XPO5: variants seen among roughly 807,000 people sequenced by gnomAD.
XPO5 encodes exportin-5.
A neutral mutation model predicts 160.6 loss-of-function variants in XPO5; 46 were observed. That is an observed-to-expected ratio of 0.29 (90% confidence interval 0.23 to 0.37). XPO5 has a LOEUF of 0.37. XPO5 is among the 10% of genes least tolerant of loss of function. The pLI, the probability that XPO5 is intolerant of heterozygous loss-of-function variation, is 1.00. For missense variants in XPO5, 1,090 were observed against 1,463.9 expected, an observed-to-expected ratio of 0.74 and a Z score of 4.17; for synonymous variants, 537 against 519.3, an observed-to-expected ratio of 1.03 and a Z score of -0.46.
intron 5 of XPO5, among the ~76,000 whole-genome samples, chr6:43,569,373 CA>C (rs1314451585): frequency 1.3e-5 from 2 of 150,624 alleles, no homozygotes; most frequent in Non-Finnish European, 3.0e-5. Flanking sequence ...AGTGAATATA[CA>C]AATATGGTTG....
rs376311596 is a variant in XPO5 at position 43,570,518 on chromosome 6, T to C, written c.605A>G (p.Asn202Ser). The change falls in exon 5 of 32, where the codon AAC (asparagine) becomes AGC (serine). Residue 202 changes from asparagine to serine, a missense_variant. By Grantham distance (46) the Asn-to-Ser change is conservative (BLOSUM62 1). Around this residue, in one of 3 missense-constraint regions of XPO5, gnomAD observed 110 missense variants for 97.9 expected, o/e 1.12. Coordinates refer to ENST00000265351, the MANE Select transcript of XPO5 (RefSeq NM_020750.3). ...FLLNTLQENV[N>S]KYQQVKTDTS... The stretch of plus-strand genomic sequence containing the variant: ...ATCCCTTACCACTTGCTGATACTTG[T>C]TTACATTTTCTTGAAGTGTGTTAAG... 8.7e-6 allele frequency: 14 copies of C among 1,613,206 alleles called. No individual in the cohort carries two copies. The highest frequency in any genetic ancestry group is 1.2e-5 in the Non-Finnish European group (14 of 1,179,678).
At chr6:43,525,468 G>T in intron 28 of XPO5, 1 of 512,076 alleles carries the variant, frequency 2.0e-6, no homozygotes, top group Non-Finnish European at 3.4e-6. Context: ...AGCTAAGCAG[G>T]AAAAATAAAA....
At chr6:43,536,664 G>A (rs912674221) in intron 20 of XPO5, among the ~76,000 whole-genome samples, 1 of 146,602 alleles carries the variant, frequency 6.8e-6, no homozygotes, top group African/African-American at 2.5e-5. Context: ...GGAGGCTGAG[G>A]TAGGAGAATC....
chr6:43,533,872 A>G, intron 21 of XPO5, 35 bp downstream of exon 21: 1 of 1,508,164 alleles, frequency 6.6e-7, no homozygotes, highest in East Asian at 2.4e-5. Flanking sequence ...TAGGGATAAG[A>G]TAAACCTTAG....
At chr6:43,530,916 TA>T in intron 22 of XPO5, 92 bp from the exon 23 acceptor site, 1 of 1,462,636 alleles carries the variant, frequency 6.8e-7, no homozygotes, top group Non-Finnish European at 9.1e-7. Flanking sequence ...TAGCCTACAA[TA>T]AGGTTTTTCA....
intron 14 of XPO5, among the ~76,000 whole-genome samples, chr6:43,552,112 C>A (rs1795256177): frequency 6.6e-6 from 1 of 152,154 alleles, no homozygotes; most frequent in Non-Finnish European, 1.5e-5. Flanking sequence ...TTGCCCAGTG[C>A]AATGGCACGA....
intron 7 of XPO5, chr6:43,566,541 GCTCA>G (rs1762705328): frequency 1.2e-5 from 3 of 249,598 alleles, no homozygotes; most frequent in Non-Finnish European, 2.7e-5. Flanking sequence ...TGGCGCAGTG[GCTCA>G]CGCCTGTAAT....
Position 43,546,954 on chromosome 6 carries a change from A to G in XPO5, c.2161-202T>C, listed in dbSNP as rs75052393. 9.1e-3 allele frequency among the ~76,000 whole-genome samples: 1,385 copies of G among 152,278 alleles called. 21 individuals carry two copies. The highest frequency in any genetic ancestry group is 0.032 in the African/African-American group (1,341 of 41,558). ...TCCTCTCACTGCCATTTTCAGGGCC[A>G]GTGGTAGGCTCTGGAAACTTCCCTT... On this transcript the variant is annotated intron_variant, in intron 19 of 31. Coordinates refer to ENST00000265351, the MANE Select transcript of XPO5 (RefSeq NM_020750.3).
intron 13 of XPO5, chr6:43,553,711 T>C: frequency 9.1e-7 from 1 of 1,096,886 alleles, no homozygotes; most frequent in South Asian, 2.4e-5. Flanking sequence ...TGAAGGTTCC[T>C]ACCATGCCTC....
chr6:43,558,629 T>C (rs774347742), intron 11 of XPO5, 38 bp from the exon 12 acceptor site: 67 of 1,480,232 alleles, frequency 4.5e-5, no homozygotes, highest in Non-Finnish European at 5.7e-5. Flanking sequence ...GGGATGAAAG[T>C]GGACCCACTG....
At chr6:43,568,517 G>A (rs1272111788) in intron 6 of XPO5, among the ~76,000 whole-genome samples, 194 bp downstream of exon 6, 1 of 151,278 alleles carries the variant, frequency 6.6e-6, no homozygotes, top group African/African-American at 2.4e-5. Context: ...GAGGTGAGAG[G>A]ATCACTTGAG....
In XPO5 at chr6:43,527,615, G is replaced by A. The variant is rs367580698; in HGVS notation, c.2920+19C>T. 369 of 1,613,344 alleles carry A rather than the reference G, an allele frequency of 2.3e-4. 6 individuals carry two copies. The South Asian group carries it at 3.6e-3, about 16-fold the overall frequency. On this transcript the variant is annotated intron_variant, in intron 26 of 31. Coordinates refer to ENST00000265351, the MANE Select transcript of XPO5 (RefSeq NM_020750.3). ...TCCAGGAAAATCCTCTATAGCCCCA[G>A]TTTCGACATGCCACTTACTGATTAG...
At position 43,547,712 on chromosome 6, in the gene XPO5, A is replaced by C. The variant is rs766119557; in HGVS notation, c.2061-5T>G. The C allele has an allele frequency of 1.1e-5, 17 of 1,613,682 alleles. No homozygotes were observed. The highest frequency in any genetic ancestry group is 1.6e-4 in the Middle Eastern group (1 of 6,062). On this transcript the variant is annotated splice_polypyrimidine_tract_variant and splice_region_variant and intron_variant, in intron 18 of 31. Transcript: ENST00000265351. ...GCATCAACATCTGACAGCACTCTGA[A>C]GGTTGGAGGGGGAAAAACAAGTTAC...
intron 20 of XPO5, among the ~76,000 whole-genome samples, chr6:43,542,824 G>A (rs1794770847): frequency 6.6e-6 from 1 of 152,134 alleles, no homozygotes; most frequent in Non-Finnish European, 1.5e-5. Context: ...TATAAAAACA[G>A]AAAATACACA....
rs765139738 is a variant in XPO5, at chr6:43,553,373, T to G, written c.1572A>C (p.Glu524Asp). 3.1e-6 allele frequency: 5 copies of G among 1,607,152 alleles called. No homozygotes were observed. The South Asian group carries it at 5.6e-5, about 18-fold the overall frequency. ...GTCAGCATGGGAAATAATTACTTAC[T>G]TCTCTATTTAGTGTTCGAAACATCT... ...ITQMFRTLNR[E>D]EIPVNDGIEL... Residue 524 changes from glutamate to aspartate, a missense_variant and splice_region_variant, in exon 14 of 32, where the codon GAA (glutamate) becomes GAC (aspartate). Coordinates refer to ENST00000265351, the MANE Select transcript of XPO5 (RefSeq NM_020750.3).
chr6:43,538,319 T>C (rs1369317018), intron 20 of XPO5, among the ~76,000 whole-genome samples: 1 of 151,572 alleles, frequency 6.6e-6, no homozygotes, highest in Non-Finnish European at 1.5e-5. Flanking sequence ...CTGGTTACTT[T>C]TTTAAATTTT....
Position 43,546,697 on chromosome 6 carries a change from G to T in XPO5, c.2216C>A (p.Thr739Asn). ...CCCAGCTTTGGCCTCTTCTAGGTCA[G>T]TGGGCCAGCAAGTTCGTTTCACCAC... ...LGVVKRTCWP[T>N]DLEEAKAGGF... is the part of the protein sequence containing the mutation. The change falls in exon 20 of 32, where the codon ACT becomes AAT. Residue 739 changes from threonine to asparagine, a missense_variant. This residue lies in a region of XPO5 where 810 missense variants were observed against 1,139.0 expected (regional missense o/e 0.71). Coordinates refer to ENST00000265351, the MANE Select transcript of XPO5 (RefSeq NM_020750.3). 6.2e-7 allele frequency: 1 copy of T among 1,612,914 alleles called. No homozygotes were observed. Among genetic ancestry groups the T allele is most frequent in the South Asian group, 1.1e-5 (1 of 90,920 alleles).
intron 20 of XPO5, among the ~76,000 whole-genome samples, chr6:43,537,245 T>G (rs1794396725): frequency 6.6e-6 from 1 of 152,052 alleles, no homozygotes; most frequent in Admixed American, 6.6e-5. Context: ...GTGCTGAAAT[T>G]ATAGGCATGA....
At chr6:43,566,750 C>T in intron 7 of XPO5, 1 of 234,700 alleles carries the variant, frequency 4.3e-6, no homozygotes, top group Non-Finnish European at 9.4e-6. Context: ...GCGGACGTTG[C>T]AGTGAGCCAA....
Sources: allele counts gnomAD v4.1 joint callset (sites outside exome capture counted in the v4.1 genomes callset), GRCh38; gene constraint gnomAD v4.1.1; regional missense constraint gnomAD v4.1.1; transcripts MANE v1.5; gene names NCBI Gene and HGNC (gene_info 2026-07-23, HGNC 2026-07-21).